CRPPA: variants seen among roughly 807,000 people sequenced by gnomAD.
CRPPA encodes the protein CDP-L-ribitol pyrophosphorylase A, also known as D-ribitol-5-phosphate cytidylyltransferase.
Under a neutral mutation model 52.0 loss-of-function variants are expected in CRPPA, and 43 were observed. The ratio of observed to expected loss-of-function variants is 0.83; its 90% CI spans 0.65 to 1.07. The LOEUF (loss-of-function observed/expected upper bound fraction) is 1.07, where lower values mean the gene tolerates loss of function less well. CRPPA is among the 50% of genes least tolerant of loss of function. The pLI, the probability that CRPPA is intolerant of heterozygous loss-of-function variation, is 0.00. For missense variants in CRPPA, 629 were observed against 551.7 expected, an observed-to-expected ratio of 1.14 and a Z score of -1.40; for synonymous variants, 250 against 203.5, an observed-to-expected ratio of 1.23 and a Z score of -1.94.
intron 2 of CRPPA, among the ~76,000 whole-genome samples, chr7:16,404,415 T>G (rs1225769338): frequency 6.6e-6 from 1 of 152,154 alleles, no homozygotes; most frequent in Non-Finnish European, 1.5e-5. Context: ...AAATCACATG[T>G]AAGACAATGA....
At chr7:16,375,353 G>C (rs1315977171) in intron 3 of CRPPA, among the ~76,000 whole-genome samples, 1 of 152,102 alleles carries the variant, frequency 6.6e-6, no homozygotes, top group Non-Finnish European at 1.5e-5. Flanking sequence ...CTCAATATCT[G>C]ATATTCAATA....
intron 8 of CRPPA, among the ~76,000 whole-genome samples, chr7:16,244,318 G>C: frequency 6.6e-6 from 1 of 152,008 alleles, no homozygotes; most frequent in East Asian, 1.9e-4. Flanking sequence ...CAAGATCTCT[G>C]CAGAACCTAA....
intron 3 of CRPPA, among the ~76,000 whole-genome samples, chr7:16,342,868 G>T (rs367683189): frequency 0.042 from 3,393 of 80,080 alleles, 211 homozygotes; most frequent in African/African-American, 0.13. Flanking sequence ...GATATATAGA[G>T]ATATATATAC....
intron 9 of CRPPA, among the ~76,000 whole-genome samples, chr7:16,178,696 C>A (rs754234373): frequency 5.3e-5 from 8 of 151,944 alleles, no homozygotes; most frequent in Non-Finnish European, 8.8e-5. Flanking sequence ...ACCTCAGGAT[C>A]TTAAGAGTAT....
chr7:16,393,499 C>T (rs536973964), intron 2 of CRPPA, among the ~76,000 whole-genome samples: 2 of 152,100 alleles, frequency 1.3e-5, no homozygotes, highest in African/African-American at 4.8e-5. Flanking sequence ...GATAATTATT[C>T]AATAAATGGT....
chr7:16,164,554 C>T (rs768841510), intron 9 of CRPPA, among the ~76,000 whole-genome samples: 3 of 152,050 alleles, frequency 2.0e-5, no homozygotes, highest in Non-Finnish European at 2.9e-5. Flanking sequence ...CCCTTGCTGG[C>T]GAGGAATTGT....
intron 9 of CRPPA, among the ~76,000 whole-genome samples, chr7:16,199,149 G>C (rs1008410830): frequency 6.6e-6 from 1 of 152,040 alleles, no homozygotes; most frequent in Non-Finnish European, 1.5e-5. Context: ...GCTAGTTGAG[G>C]GGTCTAACTG....
chr7:16,344,301 C>T (rs368650234), intron 3 of CRPPA, among the ~76,000 whole-genome samples: 1 of 149,618 alleles, frequency 6.7e-6, no homozygotes, highest in African/African-American at 2.5e-5. Context: ...TGTGATGGCT[C>T]ACATCTGTAA....
At chr7:16,382,531 G>A (rs1202259674) in intron 2 of CRPPA, among the ~76,000 whole-genome samples, 2 of 151,952 alleles carry the variant, frequency 1.3e-5, no homozygotes, top group East Asian at 1.9e-4. Flanking sequence ...GAATCTGAAC[G>A]TTGGCCTGCC....
chr7:16,389,707 A>G (rs1364038189), intron 2 of CRPPA, among the ~76,000 whole-genome samples: 1 of 151,750 alleles, frequency 6.6e-6, no homozygotes, highest in African/African-American at 2.4e-5. Flanking sequence ...AAGGAAATCC[A>G]CTGTTGGCCA....
chr7:16,299,583 A>G (rs1255763686), intron 5 of CRPPA, among the ~76,000 whole-genome samples: 2 of 152,230 alleles, frequency 1.3e-5, no homozygotes, highest in African/African-American at 4.8e-5. Flanking sequence ...AAAGTGTACC[A>G]GAAGCATCAG....
chr7:16,416,681 C>A (rs1039589208), intron 1 of CRPPA, among the ~76,000 whole-genome samples: 4 of 147,766 alleles, frequency 2.7e-5, no homozygotes, highest in Non-Finnish European at 3.0e-5. Flanking sequence ...CAAACAAATA[C>A]AAAAAAAAAA....
intron 9 of CRPPA, among the ~76,000 whole-genome samples, chr7:16,177,265 T>C (rs1304968017): frequency 6.6e-6 from 1 of 152,122 alleles, no homozygotes; most frequent in Non-Finnish European, 1.5e-5. Context: ...ACTAATGGAA[T>C]GGTATTCTAG....
In CRPPA at chr7:16,274,725, G is replaced by T. The variant is rs1241444333; in HGVS notation, c.933+3404C>A. ...CTAATTTTTTAAAAATTCCAAATTT[G>T]CTATGTCTGTCTATATTTATAGACG... On this transcript the variant is annotated intron_variant, in intron 6 of 9. Transcript: ENST00000407010. Among the ~76,000 whole-genome samples the T allele has an allele frequency of 3.3e-5, 5 of 152,120 alleles. No homozygotes were observed. The South Asian group carries it at 1.0e-3, about 32-fold the overall frequency.
intron 4 of CRPPA, among the ~76,000 whole-genome samples, chr7:16,301,925 G>A (rs550047279): frequency 5.3e-5 from 8 of 152,160 alleles, no homozygotes; most frequent in South Asian, 2.1e-4. Flanking sequence ...ACATATATCC[G>A]TATGAACCTA....
chr7:16,403,913 G>C (rs1280646281), intron 2 of CRPPA, among the ~76,000 whole-genome samples: 4 of 152,078 alleles, frequency 2.6e-5, no homozygotes, highest in Non-Finnish European at 4.4e-5. Context: ...AACAATTCTT[G>C]CCTATAAACA....
At chr7:16,388,315 G>A (rs1326826359) in intron 2 of CRPPA, among the ~76,000 whole-genome samples, 1 of 151,984 alleles carries the variant, frequency 6.6e-6, no homozygotes, top group Non-Finnish European at 1.5e-5. Context: ...AAAAAAAAAT[G>A]AGCCAAAGAA....
chr7:16,249,168 G>A (rs549881141), intron 8 of CRPPA, among the ~76,000 whole-genome samples: 2 of 152,132 alleles, frequency 1.3e-5, no homozygotes, highest in African/African-American at 4.8e-5. Context: ...TCTAGATTCT[G>A]CCTCTCTAGA....
chr7:16,221,273 A>C (rs1385674304), intron 8 of CRPPA, among the ~76,000 whole-genome samples: 1 of 152,210 alleles, frequency 6.6e-6, no homozygotes, highest in East Asian at 1.9e-4. Context: ...TGCCTTCCTT[A>C]CACCTTATAC....
Sources: allele counts gnomAD v4.1 joint callset (sites outside exome capture counted in the v4.1 genomes callset), GRCh38; gene constraint gnomAD v4.1.1; transcripts MANE v1.5; gene names NCBI Gene and HGNC (gene_info 2026-07-23, HGNC 2026-07-21).